The following CAPN8 variants were observed in gnomAD, a reference collection of about 807,000 sequenced individuals.
The protein encoded by CAPN8 is calpain 8.
In CAPN8, 87 loss-of-function variants were observed where a neutral mutation model predicts 80.9. The observed-to-expected ratio is 1.07, with a 90% confidence interval of 0.90 to 1.28. CAPN8 has a LOEUF of 1.28. CAPN8 is among the 50% of genes most tolerant of loss of function. The pLI, the probability that CAPN8 is intolerant of heterozygous loss-of-function variation, is 0.00. For missense variants in CAPN8, 757 were observed against 702.0 expected (o/e 1.08, Z -0.89); for synonymous variants, 299 against 273.8 (o/e 1.09, Z -0.91).
intron 20 of CAPN8, among the ~76,000 whole-genome samples, 164 bp downstream of exon 20, chr1:223,542,944 T>C (rs1438460024): frequency 6.6e-6 from 1 of 152,200 alleles, no homozygotes; most frequent in Admixed American, 6.5e-5. Flanking sequence ...TGGAAAACTG[T>C]ATAACAGTTG....
intron 7 of CAPN8, 71 bp from the exon 8 acceptor site, chr1:223,620,337 C>T (rs924955900): frequency 6.2e-5 from 82 of 1,330,862 alleles, no homozygotes; most frequent in Non-Finnish European, 7.2e-5. Context: ...TTTACTGCAG[C>T]TAAGCTTCCC....
chr1:223,657,183 C>A (rs893979225), intron 1 of CAPN8, among the ~76,000 whole-genome samples: 1 of 151,922 alleles, frequency 6.6e-6, no homozygotes, highest in East Asian at 1.9e-4. Context: ...CAATCTCTGG[C>A]GGCAACTTAA....
Position 223,542,905 on chromosome 1 carries a change from C to T in CAPN8, c.2088+203G>A, listed in dbSNP as rs180696815. On this transcript the variant is annotated intron_variant, in intron 20 of 20. Coordinates refer to ENST00000366872, the MANE Select transcript of CAPN8 (RefSeq NM_001143962.2). ...AAATGTAGCTGTAGCTTTATCTTTA[C>T]GATCATAATAATAATAAACAAAAAT... Among the ~76,000 whole-genome samples, 513 of 152,180 alleles carry T rather than the reference C, an allele frequency of 3.4e-3. 5 individuals carry two copies. The highest frequency in any genetic ancestry group is 0.011 in the African/African-American group (466 of 41,504).
intron 11 of CAPN8, among the ~76,000 whole-genome samples, chr1:223,611,527 C>A (rs1657030659): frequency 6.6e-6 from 1 of 152,166 alleles, no homozygotes; most frequent in South Asian, 2.1e-4. Flanking sequence ...ATGAGGTAGC[C>A]CTGCTCTGCA....
In CAPN8 at chr1:223,551,606, T is replaced by C. The variant is rs114781016; in HGVS notation, c.1642-589A>G. Among the ~76,000 whole-genome samples the C allele has an allele frequency of 4.9e-3, 753 of 152,326 alleles. 7 individuals are homozygous for C. Among genetic ancestry groups the C allele is most frequent in the African/African-American group, 0.017 (699 of 41,564 alleles). On this transcript the variant is annotated intron_variant, in intron 14 of 20. Transcript: ENST00000366872. The stretch of plus-strand genomic sequence containing the variant: ...TCCTGCTGCCTTTCACAGGGCTCGC[T>C]TGAACAGGGATAAAGTAACAGGAAC...
At chr1:223,630,333 A>G (rs1657738595) in intron 2 of CAPN8, among the ~76,000 whole-genome samples, 1 of 150,624 alleles carries the variant, frequency 6.6e-6, no homozygotes, top group Non-Finnish European at 1.5e-5. Context: ...ACACATACTC[A>G]TTTACTTTCT....
At position 223,543,798 on chromosome 1, in the gene CAPN8, G is replaced by A. The variant is rs918111649; in HGVS notation, c.2029+269C>T. Among the ~76,000 whole-genome samples the A allele has an allele frequency of 5.9e-5, 9 of 152,306 alleles. No homozygotes were observed. In the East Asian group the frequency reaches 1.5e-3, roughly 26 times the overall value. The stretch of plus-strand genomic sequence containing the variant: ...CATCTTGGCCTAGTGACTGCACACT[G>A]TAGATGCGCAATAGTCTGGATGGCA... On this transcript the variant is annotated intron_variant, in intron 19 of 20. Coordinates refer to ENST00000366872, the MANE Select transcript of CAPN8 (RefSeq NM_001143962.2).
chr1:223,640,900 C>G (rs1239226033), intron 2 of CAPN8, among the ~76,000 whole-genome samples: 1 of 152,112 alleles, frequency 6.6e-6, no homozygotes, highest in Non-Finnish European at 1.5e-5. Flanking sequence ...CAAAGTAACA[C>G]TGAACATTTT....
At chr1:223,665,209 T>C (rs907931970) in intron 1 of CAPN8, among the ~76,000 whole-genome samples, 3 of 151,792 alleles carry the variant, frequency 2.0e-5, no homozygotes, top group Admixed American at 6.6e-5. Context: ...GCTGAGATCA[T>C]GCCATTGCAC....
intron 1 of CAPN8, among the ~76,000 whole-genome samples, chr1:223,658,345 T>A (rs1328785802): frequency 2.6e-5 from 4 of 152,174 alleles, no homozygotes; most frequent in Non-Finnish European, 4.4e-5. Context: ...AAGTGAAATA[T>A]ACAGAATGGT....
chr1:223,646,853 G>T (rs149873630), intron 2 of CAPN8, among the ~76,000 whole-genome samples: 1 of 152,144 alleles, frequency 6.6e-6, no homozygotes, highest in Non-Finnish European at 1.5e-5. Context: ...TCTGTGAAAG[G>T]TGTTAAAATA....
chr1:223,622,505 A>G, intron 7 of CAPN8: 1 of 371,488 alleles, frequency 2.7e-6, no homozygotes, highest in East Asian at 5.5e-5. Flanking sequence ...GATCGATTTG[A>G]CCTTTGGACC....
chr1:223,642,844 G>A (rs1442048604), intron 2 of CAPN8: 1 of 456,086 alleles, frequency 2.2e-6, no homozygotes, highest in Non-Finnish European at 4.4e-6. Context: ...CTGTGATTGT[G>A]GAAGGAATAA....
chr1:223,616,153 T>G lies in CAPN8; in HGVS notation c.1136-8A>C. On this transcript the variant is annotated splice_region_variant and splice_polypyrimidine_tract_variant and intron_variant, in intron 9 of 20. Coordinates refer to ENST00000366872, the MANE Select transcript of CAPN8 (RefSeq NM_001143962.2). ...GATTGGTCCAGTACGTGGCTGGAAG[T>G]CACCCAGGTGATGGTGGTTCCCCAC... 1 of 1,543,442 alleles carries G rather than the reference T, an allele frequency of 6.5e-7. No homozygotes were observed. The highest frequency in any genetic ancestry group is 8.8e-7 in the Non-Finnish European group (1 of 1,140,588).
chr1:223,640,530 G>A (rs1954503), intron 2 of CAPN8, among the ~76,000 whole-genome samples: 151,255 of 152,262 alleles, frequency 0.99, 75,136 homozygotes, highest in East Asian at 1. Flanking sequence ...AGGCATCAGA[G>A]CCACTAGTTT....
chr1:223,623,125 G>A (rs1657453338), intron 6 of CAPN8, among the ~76,000 whole-genome samples: 1 of 152,228 alleles, frequency 6.6e-6, no homozygotes, highest in Non-Finnish European at 1.5e-5. Flanking sequence ...TGAAGAGTGA[G>A]TCTAGCCCAA....
intron 4 of CAPN8, 56 bp downstream of exon 4, chr1:223,627,953 G>T: frequency 4.1e-6 from 6 of 1,479,918 alleles, no homozygotes; most frequent in Non-Finnish European, 5.4e-6. Flanking sequence ...GGAGGGACAG[G>T]TGAGAGCTTT....
intron 14 of CAPN8, among the ~76,000 whole-genome samples, chr1:223,551,804 T>G (rs972833971): frequency 6.6e-6 from 1 of 152,238 alleles, no homozygotes; most frequent in Non-Finnish European, 1.5e-5. Flanking sequence ...TGCTTGTGGT[T>G]TGTAGCTACC....
chr1:223,610,701 G>A (rs1350498016), intron 11 of CAPN8, among the ~76,000 whole-genome samples: 1 of 152,154 alleles, frequency 6.6e-6, no homozygotes, highest in Non-Finnish European at 1.5e-5. Context: ...ACTGAGGCAA[G>A]ATCTAGGTAA....
Sources: gnomAD v4.1 joint callset for allele counts (sites outside exome capture counted in the v4.1 genomes callset) on GRCh38, gnomAD v4.1.1 for gene constraint, MANE v1.5 for transcripts, NCBI Gene and HGNC (gene_info 2026-07-23, HGNC 2026-07-21) for gene names.